The following RGS5 variants were observed in gnomAD, a reference collection of about 807,000 sequenced individuals.
The protein encoded by RGS5 is regulator of G protein signaling 5.
Under a neutral mutation model 18.9 loss-of-function variants are expected in RGS5, and 20 were observed. The observed-to-expected ratio is 1.06, with a 90% CI of 0.74 to 1.54. The LOEUF is 1.54. RGS5 is among the 40% of genes most tolerant of loss of function. The pLI is 0.00. For synonymous variants in RGS5, 57 were observed against 76.2 expected (o/e 0.75, Z 1.31); for missense variants, 201 against 211.8 (o/e 0.95, Z 0.32).
At chr1:163,303,005 A>G (rs911198419) in intron 2 of RGS5, among the ~76,000 whole-genome samples, 2 of 152,224 alleles carry the variant, frequency 1.3e-5, no homozygotes, top group African/African-American at 4.8e-5. Context: ...TCTATGACTG[A>G]TTCACCATTT....
chr1:163,241,434 C>T (rs534277899), intron 2 of RGS5, among the ~76,000 whole-genome samples: 1 of 152,178 alleles, frequency 6.6e-6, no homozygotes, highest in South Asian at 2.1e-4. Flanking sequence ...TTTTGTCTCT[C>T]TCTAGAAGGG....
At chr1:163,180,688 T>TTTTTG (rs1658787420) in intron 1 of RGS5, among the ~76,000 whole-genome samples, 1 of 110,498 alleles carries the variant, frequency 9.0e-6, no homozygotes, top group Non-Finnish European at 1.8e-5. Flanking sequence ...CTTACCCTGT[T>TTTTTG]TTTTTTTTTT....
intron 1 of RGS5, among the ~76,000 whole-genome samples, chr1:163,310,937 GGGGAAGAGCCC>G (rs1557939150): frequency 1.3e-5 from 2 of 152,176 alleles, no homozygotes; most frequent in African/African-American, 4.8e-5. Flanking sequence ...CCGAGCAAAG[GGGGAAGAGCCC>G]CTTATAAAAC....
intron 4 of RGS5, among the ~76,000 whole-genome samples, chr1:163,151,632 C>G (rs1477006987): frequency 6.6e-6 from 1 of 152,136 alleles, no homozygotes; most frequent in Non-Finnish European, 1.5e-5. Context: ...TAAGGGGCTT[C>G]CCCCTTCACT....
At chr1:163,262,295 T>C (rs1172195522) in intron 2 of RGS5, among the ~76,000 whole-genome samples, 1 of 103,764 alleles carries the variant, frequency 9.6e-6, no homozygotes. Flanking sequence ...CTCCCAATGC[T>C]ATCCCTCCCC....
intron 1 of RGS5, among the ~76,000 whole-genome samples, chr1:163,177,839 T>C (rs911500890): frequency 6.6e-6 from 1 of 152,240 alleles, no homozygotes; most frequent in Non-Finnish European, 1.5e-5. Flanking sequence ...AGGCATTTCA[T>C]GCTTTCTTGC....
chr1:163,222,391 C>T (rs959322779), upstream of RGS5, among the ~76,000 whole-genome samples: 1 of 152,084 alleles, frequency 6.6e-6, no homozygotes, highest in African/African-American at 2.4e-5. Flanking sequence ...CCACCAACCC[C>T]CCACCCCATT....
chr1:163,306,425 G>A (rs567419300), intron 1 of RGS5: 1 of 152,300 alleles, frequency 6.6e-6, no homozygotes, highest in East Asian at 1.9e-4. Context: ...GTTTTCAAAG[G>A]AGGTAAAAAT....
At chr1:163,149,619 A>T (rs1178375791) in intron 4 of RGS5, among the ~76,000 whole-genome samples, 1 of 152,168 alleles carries the variant, frequency 6.6e-6, no homozygotes, top group African/African-American at 2.4e-5. Context: ...AATATGGTCA[A>T]ATGATAATTT....
At chr1:163,161,485 T>C (rs1355343028) in intron 3 of RGS5, among the ~76,000 whole-genome samples, 1 of 152,198 alleles carries the variant, frequency 6.6e-6, no homozygotes, top group East Asian at 1.9e-4. Flanking sequence ...CAGTTGACAG[T>C]ATAATAGTTT....
At chr1:163,166,746 C>T (rs553054975) in intron 2 of RGS5, among the ~76,000 whole-genome samples, 1 of 152,318 alleles carries the variant, frequency 6.6e-6, no homozygotes, top group African/African-American at 2.4e-5. Context: ...ATGGTCAGCC[C>T]CAGGGTTTCT....
At chr1:163,178,800 G>A (rs916373183) in intron 1 of RGS5, among the ~76,000 whole-genome samples, 11 of 152,238 alleles carry the variant, frequency 7.2e-5, no homozygotes, top group Admixed American at 6.5e-5. Flanking sequence ...CATGGAAATC[G>A]TGAACAATAA....
intron 2 of RGS5, among the ~76,000 whole-genome samples, chr1:163,264,108 A>C (rs538613001): frequency 2.2e-4 from 33 of 152,034 alleles, no homozygotes; most frequent in Non-Finnish European, 4.3e-4. Context: ...ACCTAATAAG[A>C]GGTCTTAAAT....
chr1:163,301,681 T>C (rs1649557312), intron 2 of RGS5, among the ~76,000 whole-genome samples: 1 of 152,140 alleles, frequency 6.6e-6, no homozygotes, highest in Admixed American at 6.5e-5. Context: ...ACTGCTCAAT[T>C]CTCCCCTTCA....
At chr1:163,228,953 G>A (rs1207999586) in intron 2 of RGS5, among the ~76,000 whole-genome samples, 1 of 152,092 alleles carries the variant, frequency 6.6e-6, no homozygotes, top group East Asian at 1.9e-4. Flanking sequence ...TCAGCATTTT[G>A]GCCAAAACCA....
rs1399118094 is a variant in RGS5, at chr1:163,144,168, G to C, written c.*3174C>G. On this transcript the variant is annotated 3_prime_UTR_variant, in exon 5 of 5. Transcript: ENST00000313961. ...AAAGCAAAGTTACTGAAATGCCTCA[G>C]TTAGTTCTGCATTTTAAAAGGTGTC... is the stretch of plus-strand genomic sequence containing the variant. The C allele has an allele frequency of 6.6e-6, 1 of 152,068 alleles. No homozygotes were observed. Among genetic ancestry groups the C allele is most frequent in the South Asian group, 2.1e-4 (1 of 4,820 alleles). 9.4% of individuals were successfully genotyped at this position (152,068 alleles called of 1,614,324 possible).
intron 1 of RGS5, among the ~76,000 whole-genome samples, chr1:163,182,938 TA>T (rs1658917436): frequency 6.6e-6 from 1 of 152,174 alleles, no homozygotes; most frequent in Non-Finnish European, 1.5e-5. Flanking sequence ...AAAGGGGTAG[TA>T]AAAGGTATTG....
intron 2 of RGS5, among the ~76,000 whole-genome samples, chr1:163,258,261 T>C (rs781014644): frequency 1.3e-5 from 2 of 152,208 alleles, no homozygotes; most frequent in African/African-American, 4.8e-5. Context: ...TTAATGAAGA[T>C]AGTATTCCAG....
Position 163,142,413 on chromosome 1 carries a change from C to A in RGS5, c.*4929G>T, listed in dbSNP as rs918534506. On this transcript the variant is annotated 3_prime_UTR_variant, in exon 5 of 5. Coordinates refer to ENST00000313961, the MANE Select transcript of RGS5 (RefSeq NM_003617.4). ...CACATAGTACATAAAGTATTGAATA[C>A]AAAATTCTAAAGATAAACACAATTT... 1.3e-5 allele frequency: 2 copies of A among 152,084 alleles called. No homozygotes were observed. Among genetic ancestry groups the A allele is most frequent in the East Asian group, 3.9e-4 (2 of 5,180 alleles). The allele number at this position is 152,084 out of a possible 1,614,324, so 9.4% of individuals were successfully genotyped here.
Sources: gnomAD v4.1 joint callset for allele counts (sites outside exome capture counted in the v4.1 genomes callset) on GRCh38, gnomAD v4.1.1 for gene constraint, MANE v1.5 for transcripts, NCBI Gene and HGNC (gene_info 2026-07-23, HGNC 2026-07-21) for gene names.